Variants in WDR25 observed in about 807,000 individuals in gnomAD.
The protein encoded by WDR25 is WD repeat domain 25.
In WDR25, 35 loss-of-function variants were observed where a neutral mutation model predicts 47.7. That is an observed-to-expected ratio of 0.73 (90% CI 0.56 to 0.97). The LOEUF is 0.97. Ranked by LOEUF, WDR25 falls within the 50% of genes least tolerant of loss-of-function variation. The pLI, the probability that WDR25 is intolerant of heterozygous loss-of-function variation, is 0.00. For missense variants in WDR25, 634 were observed against 704.7 expected (o/e 0.90, Z 1.14); for synonymous variants, 248 against 278.9 (o/e 0.89, Z 1.10).
intron 4 of WDR25, among the ~76,000 whole-genome samples, chr14:100,514,187 C>T (rs11623638): frequency 0.033 from 4,997 of 152,186 alleles, 118 homozygotes; most frequent in Non-Finnish European, 0.05. Flanking sequence ...CCGCCCGCCT[C>T]GGCCTCCCAA....
At chr14:100,489,402 G>T (rs2140329297) in intron 4 of WDR25, among the ~76,000 whole-genome samples, 1 of 152,320 alleles carries the variant, frequency 6.6e-6, no homozygotes, top group East Asian at 1.9e-4. Context: ...ATGTTCCAAG[G>T]TAGAGCCACT....
chr14:100,462,654 T>G (rs556575180), intron 2 of WDR25, among the ~76,000 whole-genome samples: 40 of 152,334 alleles, frequency 2.6e-4, no homozygotes, highest in African/African-American at 8.9e-4. Flanking sequence ...CGTGGCTGAT[T>G]TGGGAGTTCC....
intron 2 of WDR25, among the ~76,000 whole-genome samples, chr14:100,399,304 C>A (rs544697984): frequency 6.6e-6 from 1 of 152,102 alleles, no homozygotes; most frequent in African/African-American, 2.4e-5. Flanking sequence ...CTTTGCATAC[C>A]GATAGATGCA....
rs1900941902 is a variant in WDR25, at chr14:100,502,060, C to T, written c.1101+17936C>T. ...TCCCTCCCCGGGTCCCGTGACCTGT[C>T]CCCAGACAGCTCTTTGGGCTGTTTG... On this transcript the variant is annotated intron_variant, in intron 4 of 6. Transcript: ENST00000402312. The surrounding 1 kb of genome is among the most constrained non-coding windows in gnomAD (Gnocchi z 4.5). 1.3e-5 allele frequency among the ~76,000 whole-genome samples: 2 copies of T among 152,212 alleles called. No individual in the cohort carries two copies. Among genetic ancestry groups the T allele is most frequent in the Admixed American group, 1.3e-4 (2 of 15,286 alleles).
chr14:100,528,389 T>C (rs1028862119), intron 5 of WDR25, among the ~76,000 whole-genome samples: 3 of 152,002 alleles, frequency 2.0e-5, no homozygotes, highest in Non-Finnish European at 4.4e-5. Context: ...TCACACCACC[T>C]TCACTGTTTG....
rs1046182586 is a variant in WDR25, at chr14:100,529,442, C to G, written c.1413+234C>G. ...GGAAGCAGTAGTTGGCTCACACAGA[C>G]AGGTCTCAGAAGTGGGGGGCAGGAA... On this transcript the variant is annotated intron_variant, in intron 6 of 6. Coordinates refer to ENST00000402312, the MANE Select transcript of WDR25 (RefSeq NM_001161476.3). This position sits in a 1 kb window ranked among gnomAD's most constrained non-coding sequence, Gnocchi z 5.1. 4.0e-5 allele frequency: 26 copies of G among 647,300 alleles called. No individual in the cohort carries two copies. The highest frequency in any genetic ancestry group is 3.1e-4 in the East Asian group (11 of 35,750). 40.1% of individuals were successfully genotyped at this position (647,300 alleles called of 1,614,324 possible). A position where few individuals can be genotyped will look rare whatever the true frequency, so the allele number is the denominator to read the frequency against.
chr14:100,467,830 C>A lies in WDR25; in HGVS notation c.823-191C>A, dbSNP rs535520088. ...CCCAGAAAAAATTTGGGGAAATGATCCTCCCAACTTACCAATCCCAAGCCT... is the reference window on the plus strand; with the variant it reads ...CCCAGAAAAAATTTGGGGAAATGATACTCCCAACTTACCAATCCCAAGCCT... On this transcript the variant is annotated intron_variant, in intron 2 of 6. Coordinates refer to ENST00000402312, the MANE Select transcript of WDR25 (RefSeq NM_001161476.3). 3.9e-5 allele frequency among the ~76,000 whole-genome samples: 6 copies of A among 152,246 alleles called. No individual in the cohort carries two copies. The East Asian group carries it at 1.2e-3, about 29-fold the overall frequency.
At chr14:100,434,874 T>C (rs908542385) in intron 2 of WDR25, among the ~76,000 whole-genome samples, 6 of 152,378 alleles carry the variant, frequency 3.9e-5, no homozygotes, top group Middle Eastern at 3.4e-3. Flanking sequence ...AAAAGTAGAA[T>C]ATTCTGAATC....
rs796096587 is a variant in WDR25 at position 100,517,106 on chromosome 14, G to GTTT, written c.1102-8739_1102-8737dup. 1.5e-3 allele frequency among the ~76,000 whole-genome samples: 101 copies of GTTT among 65,892 alleles called. 16 individuals are homozygous for GTTT. The highest frequency in any genetic ancestry group is 5.0e-3 in the African/African-American group (70 of 13,882). The allele number at this position is 65,892 out of a possible 152,430, so 43.2% of individuals were successfully genotyped here. A position where few individuals can be genotyped will look rare whatever the true frequency, so the allele number is the denominator to read the frequency against. ...CCACTGCACCTGACATATCTCCTCT[G>GTTT]TTTTTTTTTTTTTTTTTTTTTTTTT... On this transcript the variant is annotated intron_variant, in intron 4 of 6. Coordinates refer to ENST00000402312, the MANE Select transcript of WDR25 (RefSeq NM_001161476.3).
In WDR25 at chr14:100,499,754, C is replaced by T. The variant is rs1462300962; in HGVS notation, c.1101+15630C>T. ...ACAAGAGGCCTCCTTCCTTCCAGAG[C>T]TCCTGTCCTGGGCTGTGGAATGGGT... is the stretch of plus-strand genomic sequence containing the variant. On this transcript the variant is annotated intron_variant, in intron 4 of 6. Transcript: ENST00000402312. The surrounding 1 kb of genome is among the most constrained non-coding windows in gnomAD (Gnocchi z 4.4). Among the ~76,000 whole-genome samples, 1 of 152,152 alleles carries T rather than the reference C, an allele frequency of 6.6e-6. No individual in the cohort carries two copies. Among genetic ancestry groups the T allele is most frequent in the Non-Finnish European group, 1.5e-5 (1 of 68,026 alleles).
chr14:100,399,087 T>C (rs563833603), intron 2 of WDR25, among the ~76,000 whole-genome samples: 35 of 152,064 alleles, frequency 2.3e-4, no homozygotes, highest in Middle Eastern at 3.4e-3. Flanking sequence ...CTTTTTTCTT[T>C]TTTTTTTCTT....
intron 2 of WDR25, 136 bp from the exon 3 acceptor site, chr14:100,467,885 C>A: frequency 8.4e-7 from 1 of 1,185,892 alleles, no homozygotes; most frequent in Non-Finnish European, 1.2e-6. Context: ...AGTTTAACAT[C>A]TAGATATAGA....
At chr14:100,426,817 C>T (rs545469825) in intron 2 of WDR25, among the ~76,000 whole-genome samples, 6 of 152,192 alleles carry the variant, frequency 3.9e-5, no homozygotes, top group South Asian at 2.1e-4. Flanking sequence ...ACAAAAGATA[C>T]GCCCCTGCCC....
At chr14:100,386,757 G>C (rs955357950) in intron 2 of WDR25, among the ~76,000 whole-genome samples, 1 of 152,146 alleles carries the variant, frequency 6.6e-6, no homozygotes, top group Non-Finnish European at 1.5e-5. Context: ...GCCGGGCGCG[G>C]TGGTGGGCGG....
intron 2 of WDR25, among the ~76,000 whole-genome samples, chr14:100,451,323 C>A (rs1899023654): frequency 6.6e-6 from 1 of 151,736 alleles, no homozygotes; most frequent in Non-Finnish European, 1.5e-5. Flanking sequence ...CTTACTGCAG[C>A]CTTGACTTCC....
In WDR25 at chr14:100,381,602, T is replaced by A. The variant is rs375125121; in HGVS notation, c.678T>A (p.Asn226Lys). The change falls in exon 2 of 7, where the codon AAT (asparagine) becomes AAA (lysine). Residue 226 changes from asparagine to lysine, a missense_variant. By Grantham distance (94) the Asn-to-Lys change is moderately conservative. Coordinates refer to ENST00000402312, the MANE Select transcript of WDR25 (RefSeq NM_001161476.3). The part of the protein sequence containing the change: ...GVSEFIQPYL[N>K]SHYKETTVPR... ...CTGAGTTTATTCAGCCATATTTGAA[T>A]AGCCATTATAAAGAAACCACAGTTC... 27 of 1,608,904 alleles carry A rather than the reference T, an allele frequency of 1.7e-5. No individual in the cohort carries two copies. Among genetic ancestry groups the A allele is most frequent in the Non-Finnish European group, 2.2e-5 (26 of 1,176,104 alleles).
rs1171619751 is a variant in WDR25 at position 100,498,436 on chromosome 14, T to A, written c.1101+14312T>A. Among the ~76,000 whole-genome samples, 1 of 152,262 alleles carries A rather than the reference T, an allele frequency of 6.6e-6. No individual in the cohort carries two copies. Among genetic ancestry groups the A allele is most frequent in the African/African-American group, 2.4e-5 (1 of 41,468 alleles). ...TGGTTTTTAATTACAGTCTTTGTCT[T>A]GAATTTTTTCTTTTTTTTCAAAAAG... is the stretch of plus-strand genomic sequence containing the variant. On this transcript the variant is annotated intron_variant, in intron 4 of 6. Coordinates refer to ENST00000402312, the MANE Select transcript of WDR25 (RefSeq NM_001161476.3). This position sits in a 1 kb window ranked among gnomAD's most constrained non-coding sequence, Gnocchi z 4.2.
At chr14:100,519,863 C>G (rs551542590) in intron 4 of WDR25, among the ~76,000 whole-genome samples, 87 of 132,276 alleles carry the variant, frequency 6.6e-4, no homozygotes, top group Non-Finnish European at 9.1e-4. Context: ...TATATATATA[C>G]TATATATACA....
At chr14:100,460,478 A>G (rs1416046799) in intron 2 of WDR25, among the ~76,000 whole-genome samples, 1 of 152,192 alleles carries the variant, frequency 6.6e-6, no homozygotes, top group East Asian at 1.9e-4. Flanking sequence ...TATCATGACC[A>G]AGGAGGATTT....
Sources: gnomAD v4.1 joint callset for allele counts (sites outside exome capture counted in the v4.1 genomes callset) on GRCh38, gnomAD v4.1.1 for gene constraint, Gnocchi (gnomAD v3.1) non-coding constraint, MANE v1.5 for transcripts, NCBI Gene and HGNC (gene_info 2026-07-23, HGNC 2026-07-21) for gene names.